PCP4: variants seen among roughly 807,000 people sequenced by gnomAD.
PCP4 encodes the protein calmodulin regulator protein PCP4.
A neutral mutation model predicts 10.0 loss-of-function variants in PCP4; 8 were observed. That is an observed-to-expected ratio of 0.80 (90% CI 0.47 to 1.45). The LOEUF (loss-of-function observed/expected upper bound fraction) is 1.45. Among genes scored for constraint, PCP4 ranks in the 40% most tolerant of loss-of-function variants. PCP4 has a pLI of 0.00. For synonymous variants in PCP4, 21 were observed against 23.0 expected (o/e 0.91, Z 0.24); for missense variants, 54 against 74.4 (o/e 0.73, Z 1.01).
At chr21:39,887,110 T>C (rs2087404026) in intron 1 of PCP4, among the ~76,000 whole-genome samples, 1 of 152,186 alleles carries the variant, frequency 6.6e-6, no homozygotes, top group Non-Finnish European at 1.5e-5. Context: ...AAATCGTGGA[T>C]ACCTGAAAAT....
intron 1 of PCP4, among the ~76,000 whole-genome samples, chr21:39,874,659 A>G (rs1471234760): frequency 1.1e-5 from 1 of 90,918 alleles, no homozygotes; most frequent in African/African-American, 8.1e-5. Flanking sequence ...TTTTTTCAAG[A>G]TCTTTTTTTT....
intron 1 of PCP4, among the ~76,000 whole-genome samples, chr21:39,882,697 C>G (rs550094884): frequency 6.6e-5 from 10 of 152,284 alleles, no homozygotes; most frequent in Admixed American, 6.5e-4. Flanking sequence ...AGAAGACTGG[C>G]CCTGCCTGTT....
intron 1 of PCP4, among the ~76,000 whole-genome samples, chr21:39,895,137 A>C (rs956189532): frequency 6.6e-6 from 1 of 151,418 alleles, no homozygotes; most frequent in Non-Finnish European, 1.5e-5. Flanking sequence ...CCACCCATCC[A>C]TTCTTCCATC....
intron 1 of PCP4, among the ~76,000 whole-genome samples, chr21:39,895,005 A>G (rs540540772): frequency 6.6e-5 from 10 of 152,060 alleles, no homozygotes; most frequent in Non-Finnish European, 1.5e-4. Flanking sequence ...CCATCTACCC[A>G]TCCGTCCACC....
chr21:39,883,338 GC>G (rs1568851527), intron 1 of PCP4: 1 of 152,160 alleles, frequency 6.6e-6, no homozygotes, highest in Non-Finnish European at 1.5e-5. Context: ...GGGAGAGGCT[GC>G]TGATTAGAGC....
Position 39,929,099 on chromosome 21 carries a change from G to A in PCP4, c.177G>A (p.Gly59=), listed in dbSNP as rs1162033620. 1 of 1,613,518 alleles carries A rather than the reference G, an allele frequency of 6.2e-7. No individual in the cohort carries two copies. Residue 59 remains glycine, a synonymous_variant, in exon 3 of 3, where the codon GGG becomes GGA. Transcript: ENST00000328619. The part of the protein sequence containing the change: ...QFRKFQKKKA[G]SQS ...GAAAATTCCAGAAGAAGAAGGCTGGGTCTCAGTCCTAGTGGGAGAACCCCC... is the reference window on the plus strand; with the variant it reads ...GAAAATTCCAGAAGAAGAAGGCTGGATCTCAGTCCTAGTGGGAGAACCCCC...
At chr21:39,907,680 C>A (rs557418499) in intron 2 of PCP4, among the ~76,000 whole-genome samples, 2 of 152,018 alleles carry the variant, frequency 1.3e-5, no homozygotes, top group Non-Finnish European at 2.9e-5. Flanking sequence ...ACCTGTAATC[C>A]CAGTTACTTG....
Position 39,925,729 on chromosome 21 carries a change from T to G in PCP4, c.62-3255T>G, listed in dbSNP as rs534075652. Among the ~76,000 whole-genome samples the G allele has an allele frequency of 8.5e-5, 13 of 152,222 alleles. No individual in the cohort carries two copies. The East Asian group carries it at 2.5e-3, about 29-fold the overall frequency. On this transcript the variant is annotated intron_variant, in intron 2 of 2. Transcript: ENST00000328619. Reference sequence around the variant, plus strand: ...GGTATCAGCAGTAGAAAGGGCCCCCTGTACTGCTCGTGGGTCCCCGCCTCT... The same window carrying G: ...GGTATCAGCAGTAGAAAGGGCCCCCGGTACTGCTCGTGGGTCCCCGCCTCT...
At chr21:39,907,311 C>T (rs1336004918) in intron 2 of PCP4, among the ~76,000 whole-genome samples, 1 of 152,004 alleles carries the variant, frequency 6.6e-6, no homozygotes, top group Non-Finnish European at 1.5e-5. Flanking sequence ...GCTTCGGACC[C>T]CGGGCAGAAG....
At chr21:39,903,325 G>C (rs983885876) in intron 2 of PCP4, among the ~76,000 whole-genome samples, 3 of 152,206 alleles carry the variant, frequency 2.0e-5, no homozygotes, top group African/African-American at 7.2e-5. Flanking sequence ...TCTGCGGGTG[G>C]AAGGTGTATG....
chr21:39,911,616 C>A (rs904146786), intron 2 of PCP4, among the ~76,000 whole-genome samples: 18 of 152,240 alleles, frequency 1.2e-4, no homozygotes, highest in Non-Finnish European at 2.9e-5. Flanking sequence ...CTGGTACCAA[C>A]CAAGCACTAG....
In PCP4 at chr21:39,929,255, C is replaced by A; in HGVS notation, c.*144C>A. 1 of 675,928 alleles carries A rather than the reference C, an allele frequency of 1.5e-6. No individual in the cohort carries two copies. The highest frequency in any genetic ancestry group is 2.4e-6 in the Non-Finnish European group (1 of 412,706). The allele number at this position is 675,928 out of a possible 1,614,324, so 41.9% of individuals were successfully genotyped here. A position where few individuals can be genotyped will look rare whatever the true frequency, so the allele number is the denominator to read the frequency against. On this transcript the variant is annotated 3_prime_UTR_variant, in exon 3 of 3. Transcript: ENST00000328619. Reference sequence around the variant, plus strand: ...AAACCTCCAATGCATGTACAGAAACCTGTGATATTTATACCCTTGTAGGAA... The same window carrying A: ...AAACCTCCAATGCATGTACAGAAACATGTGATATTTATACCCTTGTAGGAA...
intron 2 of PCP4, among the ~76,000 whole-genome samples, chr21:39,912,910 T>G (rs139021621): frequency 1.0e-3 from 154 of 152,192 alleles, no homozygotes; most frequent in African/African-American, 3.4e-3. Context: ...CTAACTATGT[T>G]GCGCAGGCTG....
At chr21:39,867,601 C>A in intron 1 of PCP4, 91 bp downstream of exon 1, 1 of 1,176,714 alleles carries the variant, frequency 8.5e-7, no homozygotes, top group Non-Finnish European at 1.3e-6. Context: ...AGGGACTTAG[C>A]AGTGCTGAGG....
intron 2 of PCP4, among the ~76,000 whole-genome samples, chr21:39,900,031 C>A (rs79564747): frequency 0.14 from 21,120 of 151,986 alleles, 1,672 homozygotes; most frequent in Middle Eastern, 0.23. Context: ...CCTCTATTGT[C>A]GTGATTCTCA....
intron 1 of PCP4, among the ~76,000 whole-genome samples, chr21:39,882,921 T>C (rs940593208): frequency 6.6e-6 from 1 of 152,236 alleles, no homozygotes; most frequent in Non-Finnish European, 1.5e-5. Flanking sequence ...TCTGGCAACT[T>C]CTACGTAGAC....
chr21:39,920,313 G>A (rs1017058695), intron 2 of PCP4, among the ~76,000 whole-genome samples: 7 of 146,644 alleles, frequency 4.8e-5, no homozygotes, highest in Non-Finnish European at 9.1e-5. Context: ...TGTATTTGAT[G>A]TGTGATGTGT....
At chr21:39,876,544 G>T (rs2087346835) in intron 1 of PCP4, among the ~76,000 whole-genome samples, 1 of 152,184 alleles carries the variant, frequency 6.6e-6, no homozygotes, top group South Asian at 2.1e-4. Context: ...ATAAGGAACT[G>T]CAAGGTATCA....
intron 1 of PCP4, among the ~76,000 whole-genome samples, chr21:39,867,939 C>T (rs911035443): frequency 2.6e-5 from 4 of 152,112 alleles, no homozygotes; most frequent in African/African-American, 9.7e-5. Flanking sequence ...AAGGGCTGGC[C>T]GTTGGGTGGC....
Sources: gnomAD v4.1 joint callset for allele counts (sites outside exome capture counted in the v4.1 genomes callset) on GRCh38, gnomAD v4.1.1 for gene constraint, MANE v1.5 for transcripts, NCBI Gene and HGNC (gene_info 2026-07-23, HGNC 2026-07-21) for gene names.